Variants in ENTHD1 observed in about 807,000 individuals in gnomAD.
The protein encoded by ENTHD1 is ENTH domain containing 1, also known as ENTH domain-containing protein 1.
In ENTHD1, 23 loss-of-function variants were observed where a neutral mutation model predicts 39.1. The observed-to-expected ratio is 0.59, with a 90% CI of 0.42 to 0.83. The LOEUF is 0.83. Ranked by LOEUF, ENTHD1 falls within the 40% of genes least tolerant of loss-of-function variation. The probability of loss-of-function intolerance (pLI) is 0.00; values close to 1 mark genes in which losing one functional copy is unlikely to be tolerated. For synonymous variants in ENTHD1, 230 were observed against 258.2 expected (o/e 0.89, Z 1.05); for missense variants, 624 against 705.4 (o/e 0.88, Z 1.31).
intron 5 of ENTHD1, among the ~76,000 whole-genome samples, chr22:39,800,608 G>A (rs565041686): frequency 6.6e-6 from 1 of 152,288 alleles, no homozygotes; most frequent in African/African-American, 2.4e-5. Context: ...CTGGCTTGAG[G>A]CTTAGTTTTC....
In ENTHD1 at chr22:39,743,960, C is replaced by T; in HGVS notation, c.1543G>A (p.Glu515Lys). 1 of 1,614,014 alleles carries T rather than the reference C, an allele frequency of 6.2e-7. No homozygotes were observed. The highest frequency in any genetic ancestry group is 8.5e-7 in the Non-Finnish European group (1 of 1,179,958). Reference sequence around the variant, plus strand: ...TGGTCTACATTTTGGGTGGAAAACTCCCCCCAGTGACTACTAGAAATGTGA... The same window carrying T: ...TGGTCTACATTTTGGGTGGAAAACTTCCCCCAGTGACTACTAGAAATGTGA... ...ISHISSSHWG[E>K]FSTQNVDQFI... The change falls in exon 7 of 7, where the codon GAG becomes AAG. Residue 515 changes from glutamate to lysine, a missense_variant. By Grantham distance (56) the Glu-to-Lys change is moderately conservative (BLOSUM62 1). Transcript: ENST00000325157.
chr22:39,768,712 T>C (rs2065298019), intron 5 of ENTHD1, among the ~76,000 whole-genome samples: 1 of 152,158 alleles, frequency 6.6e-6, no homozygotes, highest in African/African-American at 2.4e-5. Flanking sequence ...TTGTTAAATT[T>C]AACTATATCT....
intron 5 of ENTHD1, among the ~76,000 whole-genome samples, chr22:39,767,694 A>T (rs1448253563): frequency 6.6e-6 from 1 of 152,234 alleles, no homozygotes; most frequent in Non-Finnish European, 1.5e-5. Context: ...CTTAAAATTT[A>T]GCAATATTAA....
chr22:39,753,575 C>T lies in ENTHD1; in HGVS notation c.1220-9292G>A, dbSNP rs573916686. Among the ~76,000 whole-genome samples the T allele has an allele frequency of 3.8e-4, 58 of 152,246 alleles. 1 individual carries two copies. In the South Asian group the frequency reaches 9.3e-3, roughly 25 times the overall value. The stretch of plus-strand genomic sequence containing the variant: ...TTTAATTTTCCTAACTTGTTATCTC[C>T]GAAAAGGTTATAATGCCAGACCTGG... On this transcript the variant is annotated intron_variant, in intron 6 of 6. Transcript: ENST00000325157.
chr22:39,840,413 T>C (rs986787562), intron 3 of ENTHD1, among the ~76,000 whole-genome samples: 2 of 152,188 alleles, frequency 1.3e-5, no homozygotes, highest in Non-Finnish European at 2.9e-5. Flanking sequence ...AGATGAGATA[T>C]CAAACTGACG....
At chr22:39,877,650 A>C (rs2066302508) in intron 2 of ENTHD1, among the ~76,000 whole-genome samples, 1 of 152,204 alleles carries the variant, frequency 6.6e-6, no homozygotes, top group Non-Finnish European at 1.5e-5. Flanking sequence ...AAGTTCTCGC[A>C]GTAAATACTG....
chr22:39,782,220 A>C (rs78404217), intron 5 of ENTHD1, among the ~76,000 whole-genome samples: 15,721 of 152,144 alleles, frequency 0.1, 945 homozygotes, highest in Middle Eastern at 0.14. Flanking sequence ...CTGGGAGGTA[A>C]AAGTTGCAAT....
At chr22:39,764,622 T>C (rs1172759124) in intron 6 of ENTHD1, among the ~76,000 whole-genome samples, 1 of 151,910 alleles carries the variant, frequency 6.6e-6, no homozygotes, top group Non-Finnish European at 1.5e-5. Flanking sequence ...AATTATATAA[T>C]AGAGGATTTA....
intron 5 of ENTHD1, among the ~76,000 whole-genome samples, chr22:39,782,612 CATG>C (rs2065419526): frequency 6.6e-6 from 1 of 152,078 alleles, no homozygotes; most frequent in Admixed American, 6.5e-5. Flanking sequence ...GATCATTCAC[CATG>C]ATAAGTGAGG....
chr22:39,868,202 A>G (rs2066205589), intron 2 of ENTHD1, among the ~76,000 whole-genome samples: 2 of 152,162 alleles, frequency 1.3e-5, no homozygotes, highest in African/African-American at 4.8e-5. Context: ...ACTTGGAACT[A>G]AATGAAGCCA....
intron 5 of ENTHD1, among the ~76,000 whole-genome samples, chr22:39,767,168 T>G (rs554675213): frequency 6.6e-6 from 1 of 152,254 alleles, no homozygotes; most frequent in Admixed American, 6.5e-5. Flanking sequence ...CAAGGGAAAC[T>G]GAAGCACAAA....
intron 3 of ENTHD1, among the ~76,000 whole-genome samples, chr22:39,856,281 A>G (rs2066086188): frequency 6.6e-6 from 1 of 151,692 alleles, no homozygotes; most frequent in African/African-American, 2.4e-5. Flanking sequence ...TCTCAAAAAA[A>G]AAAAAAAAAA....
chr22:39,778,217 C>A (rs1044860876), intron 5 of ENTHD1, among the ~76,000 whole-genome samples: 23 of 152,166 alleles, frequency 1.5e-4, no homozygotes, highest in African/African-American at 5.6e-4. Context: ...CCTGCCATGG[C>A]CCTGACTGGA....
At chr22:39,880,928 A>G (rs2066332131) in intron 2 of ENTHD1, among the ~76,000 whole-genome samples, 1 of 152,212 alleles carries the variant, frequency 6.6e-6, no homozygotes, top group Admixed American at 6.5e-5. Context: ...CTTAGATTGC[A>G]ATCTTGACTC....
intron 6 of ENTHD1, among the ~76,000 whole-genome samples, chr22:39,755,138 T>C (rs1432520660): frequency 6.6e-6 from 1 of 152,142 alleles, no homozygotes; most frequent in African/African-American, 2.4e-5. Context: ...GACATTTCAG[T>C]TGGGAAGAAA....
At chr22:39,811,765 G>C (rs183250849) in intron 5 of ENTHD1, among the ~76,000 whole-genome samples, 177 of 152,066 alleles carry the variant, frequency 1.2e-3, no homozygotes, top group Non-Finnish European at 2.2e-3. Context: ...AGATCACAAG[G>C]TCAGGAGATC....
intron 6 of ENTHD1, among the ~76,000 whole-genome samples, chr22:39,754,819 G>A (rs1314181598): frequency 3.9e-5 from 6 of 151,962 alleles, no homozygotes; most frequent in Non-Finnish European, 8.8e-5. Context: ...CAATTTCACC[G>A]GCCAGATCAG....
intron 5 of ENTHD1, among the ~76,000 whole-genome samples, chr22:39,806,678 G>A (rs2065643137): frequency 6.6e-6 from 1 of 152,064 alleles, no homozygotes; most frequent in African/African-American, 2.4e-5. Flanking sequence ...TTGATGGTGA[G>A]GGAAATAACA....
intron 1 of ENTHD1, among the ~76,000 whole-genome samples, chr22:39,892,689 T>C (rs554115380): frequency 2.0e-5 from 3 of 151,858 alleles, no homozygotes; most frequent in Admixed American, 2.0e-4. Context: ...GACAATAGCA[T>C]CTAAGAGGCT....
Sources: allele counts gnomAD v4.1 joint callset (sites outside exome capture counted in the v4.1 genomes callset), GRCh38; gene constraint gnomAD v4.1.1; transcripts MANE v1.5; gene names NCBI Gene and HGNC (gene_info 2026-07-23, HGNC 2026-07-21).